The following CNTNAP2 variants were observed in gnomAD, a reference collection of about 807,000 sequenced individuals.
CNTNAP2 encodes contactin associated protein 2, also known as contactin-associated protein-like 2.
In CNTNAP2, 98 loss-of-function variants were observed where a neutral mutation model predicts 155.2. That is an observed-to-expected ratio of 0.63 (90% CI 0.54 to 0.75). The LOEUF (loss-of-function observed/expected upper bound fraction) is 0.75, where lower values mean the gene tolerates loss of function less well. CNTNAP2 is among the 30% of genes least tolerant of loss of function. The probability of loss-of-function intolerance (pLI) is 0.00; values close to 1 mark genes in which losing one functional copy is unlikely to be tolerated. For synonymous variants in CNTNAP2, 651 were observed against 631.2 expected (o/e 1.03, Z -0.47); for missense variants, 1,727 against 1,688.1 (o/e 1.02, Z -0.40).
At chr7:146,661,354 T>C (rs1800084001) in intron 1 of CNTNAP2, among the ~76,000 whole-genome samples, 1 of 151,960 alleles carries the variant, frequency 6.6e-6, no homozygotes, top group Non-Finnish European at 1.5e-5. Flanking sequence ...ATGTGTACGG[T>C]TCTACGAATT....
chr7:147,043,839 G>A (rs1799304263), intron 3 of CNTNAP2, 68 bp from the exon 4 acceptor site: 1 of 1,574,540 alleles, frequency 6.4e-7, no homozygotes, highest in African/African-American at 1.4e-5. Context: ...GTTTATTCTA[G>A]TAGACAGAGG....
intron 15 of CNTNAP2, among the ~76,000 whole-genome samples, chr7:148,079,903 G>A (rs1349456117): frequency 1.3e-5 from 2 of 152,166 alleles, no homozygotes; most frequent in African/African-American, 4.8e-5. Flanking sequence ...ACTTTGGAAT[G>A]CCCTTGGCTG....
rs1177797558 is a variant in CNTNAP2, at chr7:146,774,141, T to G, written c.98-130T>G. 2.8e-5 allele frequency: 20 copies of G among 719,722 alleles called. No individual in the cohort carries two copies. In the East Asian group the frequency reaches 3.0e-4, roughly 11 times the overall value. 44.6% of individuals were successfully genotyped at this position (719,722 alleles called of 1,614,324 possible). ...AGGATAACAGAATTGCCTAAATTCC[T>G]TTGCTAAATATTGTTTCAAAGATAC... is the stretch of plus-strand genomic sequence containing the variant. On this transcript the variant is annotated intron_variant, in intron 1 of 23. Coordinates refer to ENST00000361727, the MANE Select transcript of CNTNAP2 (RefSeq NM_014141.6).
At chr7:147,047,275 A>ATTTTTT (rs35453952) in intron 4 of CNTNAP2, among the ~76,000 whole-genome samples, 3 of 111,396 alleles carry the variant, frequency 2.7e-5, no homozygotes, top group Non-Finnish European at 5.3e-5. Context: ...CGCCCGGCTA[A>ATTTTTT]TTTTTTTTTT....
chr7:146,916,882 T>G (rs960820967), intron 3 of CNTNAP2, among the ~76,000 whole-genome samples: 1 of 152,218 alleles, frequency 6.6e-6, no homozygotes, highest in Non-Finnish European at 1.5e-5. Context: ...TTGTTCTTGT[T>G]TCTCTAGCCT....
intron 13 of CNTNAP2, among the ~76,000 whole-genome samples, chr7:147,754,809 T>C: frequency 6.6e-6 from 1 of 151,988 alleles, no homozygotes; most frequent in Non-Finnish European, 1.5e-5. Flanking sequence ...TAGACAGGAA[T>C]AAATGAAAAA....
At chr7:146,910,665 C>G (rs373340534) in intron 3 of CNTNAP2, among the ~76,000 whole-genome samples, 2 of 149,514 alleles carry the variant, frequency 1.3e-5, no homozygotes, top group Admixed American at 6.6e-5. Context: ...CAAGATGGAT[C>G]AAAGATTTAA....
chr7:146,458,501 TACA>T (rs1406092857), intron 1 of CNTNAP2, among the ~76,000 whole-genome samples: 6 of 152,192 alleles, frequency 3.9e-5, no homozygotes, highest in South Asian at 2.1e-4. Context: ...TAGCACATGC[TACA>T]ACATTAGACA....
chr7:147,358,278 G>A (rs1393476191), intron 9 of CNTNAP2, among the ~76,000 whole-genome samples: 1 of 152,032 alleles, frequency 6.6e-6, no homozygotes, highest in Non-Finnish European at 1.5e-5. Context: ...CTCAGTTTTT[G>A]GGTGGTCTTA....
intron 14 of CNTNAP2, among the ~76,000 whole-genome samples, chr7:147,903,994 A>T (rs934120506): frequency 2.4e-4 from 37 of 152,182 alleles, no homozygotes; most frequent in Non-Finnish European, 4.7e-4. Flanking sequence ...CATGTTGTAG[A>T]CAGTGATTTG....
At chr7:146,236,525 A>G (rs1254849564) in intron 1 of CNTNAP2, among the ~76,000 whole-genome samples, 2 of 152,202 alleles carry the variant, frequency 1.3e-5, no homozygotes, top group African/African-American at 2.4e-5. Flanking sequence ...TTCTTTTAGA[A>G]AAAGTATCAA....
At chr7:147,362,071 T>C (rs1584899657) in intron 9 of CNTNAP2, among the ~76,000 whole-genome samples, 1 of 152,082 alleles carries the variant, frequency 6.6e-6, no homozygotes, top group Non-Finnish European at 1.5e-5. Flanking sequence ...CTCAGGCTGG[T>C]TAAGTATTTT....
At chr7:146,196,131 C>T (rs1185092831) in intron 1 of CNTNAP2, among the ~76,000 whole-genome samples, 2 of 152,176 alleles carry the variant, frequency 1.3e-5, no homozygotes, top group African/African-American at 4.8e-5. Context: ...AATGCTCATG[C>T]ACAATTACAT....
intron 15 of CNTNAP2, among the ~76,000 whole-genome samples, chr7:148,062,057 G>C (rs977681640): frequency 6.6e-6 from 1 of 151,242 alleles, no homozygotes; most frequent in Non-Finnish European, 1.5e-5. Context: ...GTGTGTGTGT[G>C]TGTGTGTGTG....
At chr7:147,664,977 C>T (rs1055296082) in intron 13 of CNTNAP2, among the ~76,000 whole-genome samples, 3 of 152,210 alleles carry the variant, frequency 2.0e-5, no homozygotes, top group African/African-American at 7.2e-5. Context: ...ATTATTTTCA[C>T]AAAGTCACAT....
intron 3 of CNTNAP2, among the ~76,000 whole-genome samples, chr7:147,039,117 A>T (rs1295510395): frequency 6.6e-6 from 1 of 152,222 alleles, no homozygotes; most frequent in South Asian, 2.1e-4. Context: ...TTTACATATA[A>T]AAACATATAT....
intron 9 of CNTNAP2, among the ~76,000 whole-genome samples, chr7:147,392,562 G>T (rs570569019): frequency 1.8e-4 from 27 of 151,866 alleles, no homozygotes; most frequent in Admixed American, 1.5e-3. Flanking sequence ...TTATGCCTTT[G>T]CATTCTCATA....
intron 3 of CNTNAP2, among the ~76,000 whole-genome samples, chr7:146,900,446 T>A (rs1020162621): frequency 6.6e-6 from 1 of 152,180 alleles, no homozygotes; most frequent in Admixed American, 6.6e-5. Flanking sequence ...CTTAACCATG[T>A]CTCCACTCCA....
chr7:146,452,751 T>C (rs1796501911), intron 1 of CNTNAP2, among the ~76,000 whole-genome samples: 1 of 152,258 alleles, frequency 6.6e-6, no homozygotes, highest in South Asian at 2.1e-4. Flanking sequence ...TGGAAACTCA[T>C]CTACCACTAG....
Sources: allele counts gnomAD v4.1 joint callset (sites outside exome capture counted in the v4.1 genomes callset), GRCh38; gene constraint gnomAD v4.1.1; transcripts MANE v1.5; gene names NCBI Gene and HGNC (gene_info 2026-07-23, HGNC 2026-07-21).